TMEM117: variants seen among roughly 807,000 people sequenced by gnomAD.
TMEM117 encodes transmembrane protein 117.
A neutral mutation model predicts 52.4 loss-of-function variants in TMEM117; 27 were observed. The observed-to-expected ratio is 0.51, with a 90% confidence interval of 0.38 to 0.71. The LOEUF is 0.71. Ranked by LOEUF, TMEM117 falls within the 30% of genes least tolerant of loss-of-function variation. The pLI is 0.00. For missense variants in TMEM117, 556 were observed against 630.5 expected (o/e 0.88, Z 1.26); for synonymous variants, 215 against 206.3 (o/e 1.04, Z -0.36).
chr12:44,063,818 A>T (rs1007358919), intron 3 of TMEM117, among the ~76,000 whole-genome samples: 6 of 152,152 alleles, frequency 3.9e-5, no homozygotes, highest in African/African-American at 1.4e-4. Context: ...CTCTGATGAT[A>T]TAAAGGAATG....
intron 3 of TMEM117, among the ~76,000 whole-genome samples, chr12:44,079,523 G>T (rs1324484740): frequency 2.0e-5 from 3 of 152,008 alleles, no homozygotes; most frequent in Non-Finnish European, 4.4e-5. Flanking sequence ...TTTGAGAAGT[G>T]TCTGTTCATA....
At chr12:44,013,685 T>C (rs1243094231) in intron 3 of TMEM117, among the ~76,000 whole-genome samples, 3 of 152,280 alleles carry the variant, frequency 2.0e-5, no homozygotes, top group African/African-American at 7.2e-5. Context: ...GCTCTCAGAC[T>C]TGTCCACACC....
chr12:44,072,873 T>G lies in TMEM117; in HGVS notation c.411-70652T>G, dbSNP rs1168080. ...TTGGGAGGCCGAGGTGGGCGGATCATGAAGTCAAGAGATCGAGACCATCCT... is the reference window on the plus strand; with the variant it reads ...TTGGGAGGCCGAGGTGGGCGGATCAGGAAGTCAAGAGATCGAGACCATCCT... On this transcript the variant is annotated intron_variant, in intron 3 of 7. Transcript: ENST00000266534. Among the ~76,000 whole-genome samples, 256 of 152,074 alleles carry G rather than the reference T, an allele frequency of 1.7e-3. 8 individuals are homozygous for G. The East Asian group carries it at 0.044, about 26-fold the overall frequency.
At chr12:43,970,060 T>C (rs1236829347) in intron 3 of TMEM117, among the ~76,000 whole-genome samples, 1 of 152,124 alleles carries the variant, frequency 6.6e-6, no homozygotes, top group Non-Finnish European at 1.5e-5. Context: ...CTTGATGAAC[T>C]CTTGTGCCAT....
chr12:44,371,453 T>A (rs540106565), intron 6 of TMEM117, among the ~76,000 whole-genome samples: 17 of 152,222 alleles, frequency 1.1e-4, no homozygotes, highest in Non-Finnish European at 2.2e-4. Context: ...CACTAAAATC[T>A]AATCTAATCT....
chr12:44,376,146 G>C (rs1263492098), intron 6 of TMEM117, among the ~76,000 whole-genome samples: 2 of 152,106 alleles, frequency 1.3e-5, no homozygotes, highest in Non-Finnish European at 2.9e-5. Flanking sequence ...CAAAGAACTT[G>C]GTTAAGTGAA....
intron 3 of TMEM117, among the ~76,000 whole-genome samples, chr12:44,032,655 A>G (rs1319769246): frequency 6.6e-6 from 1 of 152,216 alleles, no homozygotes; most frequent in Non-Finnish European, 1.5e-5. Context: ...AATGAAGGAC[A>G]AGCTTATTAA....
rs112707916 is a variant in TMEM117 at position 44,272,843 on chromosome 12, C to G, written c.609-26737C>G. Among the ~76,000 whole-genome samples, 1,445 of 152,006 alleles carry G rather than the reference C, an allele frequency of 9.5e-3. 25 individuals are homozygous for G. The highest frequency in any genetic ancestry group is 0.032 in the African/African-American group (1,341 of 41,450). ...CCTCAGGGATCTAGAACTAGAAATACCATTTGACCCAGCCATCCCATTACT... is the reference window on the plus strand; with the variant it reads ...CCTCAGGGATCTAGAACTAGAAATAGCATTTGACCCAGCCATCCCATTACT... On this transcript the variant is annotated intron_variant, in intron 5 of 7. Coordinates refer to ENST00000266534, the MANE Select transcript of TMEM117 (RefSeq NM_032256.3).
At chr12:44,372,180 C>T (rs1224689755) in intron 6 of TMEM117, among the ~76,000 whole-genome samples, 1 of 152,130 alleles carries the variant, frequency 6.6e-6, no homozygotes, top group Non-Finnish European at 1.5e-5. Context: ...TTACTAAACA[C>T]TGATAACACT....
At chr12:44,234,813 T>A (rs189258386) in intron 5 of TMEM117, among the ~76,000 whole-genome samples, 1 of 151,534 alleles carries the variant, frequency 6.6e-6, no homozygotes, top group Non-Finnish European at 1.5e-5. Context: ...TTATATACTG[T>A]GTGTAATTTC....
At chr12:44,086,192 A>G (rs1373574931) in intron 3 of TMEM117, among the ~76,000 whole-genome samples, 1 of 150,812 alleles carries the variant, frequency 6.6e-6, no homozygotes, top group Non-Finnish European at 1.5e-5. Context: ...GGCTTGGAGT[A>G]TCTTGGATGT....
chr12:44,025,443 ACT>A (rs970807038), intron 3 of TMEM117, among the ~76,000 whole-genome samples: 8 of 152,168 alleles, frequency 5.3e-5, no homozygotes, highest in Non-Finnish European at 1.0e-4. Flanking sequence ...AGGAAAATAA[ACT>A]CTATAGGTTA....
chr12:43,895,446 C>G lies in TMEM117; in HGVS notation c.278-48764C>G, dbSNP rs141865863. Among the ~76,000 whole-genome samples the G allele has an allele frequency of 1.9e-4, 29 of 152,200 alleles. 1 individual carries two copies. The East Asian group carries it at 5.6e-3, about 29-fold the overall frequency. ...TGTGGCTTTGCTATTGTGAATAGTGCAGCAATGAACATATGCGTGCATGTG... is the reference window on the plus strand; with the variant it reads ...TGTGGCTTTGCTATTGTGAATAGTGGAGCAATGAACATATGCGTGCATGTG... On this transcript the variant is annotated intron_variant, in intron 2 of 7. Coordinates refer to ENST00000266534, the MANE Select transcript of TMEM117 (RefSeq NM_032256.3).
chr12:43,835,494 G>A (rs1196531755), upstream of TMEM117, among the ~76,000 whole-genome samples: 2 of 152,118 alleles, frequency 1.3e-5, no homozygotes, highest in East Asian at 3.9e-4. Flanking sequence ...GTGTGTGTGT[G>A]TGTGATACCA....
At chr12:43,980,856 G>A (rs1400480057) in intron 3 of TMEM117, among the ~76,000 whole-genome samples, 2 of 152,182 alleles carry the variant, frequency 1.3e-5, no homozygotes, top group Admixed American at 1.3e-4. Flanking sequence ...ATTTAGTACA[G>A]ATTTAATGAC....
intron 3 of TMEM117, among the ~76,000 whole-genome samples, chr12:43,977,185 G>T (rs1406973488): frequency 1.3e-5 from 2 of 152,162 alleles, no homozygotes; most frequent in African/African-American, 2.4e-5. Flanking sequence ...GCAAGGAACA[G>T]ATTATCTGAA....
At chr12:43,965,333 T>C (rs550637755) in intron 3 of TMEM117, among the ~76,000 whole-genome samples, 3 of 152,344 alleles carry the variant, frequency 2.0e-5, no homozygotes, top group South Asian at 2.1e-4. Flanking sequence ...CTGATCTTGG[T>C]TGAAGTCAGG....
intron 2 of TMEM117, among the ~76,000 whole-genome samples, chr12:43,905,662 C>CT (rs1354482297): frequency 2.6e-5 from 4 of 152,080 alleles, no homozygotes; most frequent in Admixed American, 1.3e-4. Context: ...AGGATGGAGA[C>CT]TTATTTGCTC....
At chr12:43,929,945 A>C (rs1944844962) in intron 2 of TMEM117, among the ~76,000 whole-genome samples, 1 of 151,768 alleles carries the variant, frequency 6.6e-6, no homozygotes, top group Non-Finnish European at 1.5e-5. Flanking sequence ...TTGTTTCTTT[A>C]TGTGCCTAAT....
Sources: gnomAD v4.1 joint callset for allele counts (sites outside exome capture counted in the v4.1 genomes callset) on GRCh38, gnomAD v4.1.1 for gene constraint, MANE v1.5 for transcripts, NCBI Gene and HGNC (gene_info 2026-07-23, HGNC 2026-07-21) for gene names.